KCNK4: variants seen among roughly 807,000 people sequenced by gnomAD.
KCNK4 encodes potassium channel subfamily K member 4.
KCNK4 carries 22 observed loss-of-function variants against 28.8 expected under a neutral mutation model. That is an observed-to-expected ratio of 0.76 (90% CI 0.55 to 1.09). The LOEUF is 1.09. Ranked by LOEUF, KCNK4 falls within the 50% of genes least tolerant of loss-of-function variation. The pLI is 0.00. For synonymous variants in KCNK4, 263 were observed against 252.9 expected (o/e 1.04, Z -0.38); for missense variants, 483 against 546.3 (o/e 0.88, Z 1.15).
In KCNK4 at chr11:64,297,622, T is replaced by C; in HGVS notation, c.630T>C (p.Leu210=). The change falls in exon 5 of 7, where the codon CTT becomes CTC. Residue 210 remains leucine, a synonymous_variant. Transcript: ENST00000422670. ...LEAIYFVIVT[L]TTVGFGDYVA... is the part of the protein sequence containing the mutation. ...CCATCTACTTTGTCATAGTGACGCT[T>C]ACCACCGTGGGCTTTGGCGACTATG... is the stretch of plus-strand genomic sequence containing the variant. 4 of 1,613,194 alleles carry C rather than the reference T, an allele frequency of 2.5e-6. No individual in the cohort carries two copies. The highest frequency in any genetic ancestry group is 3.4e-6 in the Non-Finnish European group (4 of 1,179,234).
At chr11:64,296,780 G>A in intron 2 of KCNK4, 98 bp from the exon 3 acceptor site, 1 of 1,291,512 alleles carries the variant, frequency 7.7e-7, no homozygotes, top group Non-Finnish European at 1.0e-6. Flanking sequence ...GAACAGGGAG[G>A]AGCAGGGAAG....
chr11:64,299,287 G>A lies in KCNK4; in HGVS notation c.802-59G>A, dbSNP rs934896331. ...CCTGCTGGTGAAGGGGCAGGTTCCC[G>A]GGGGGTCGCGGAGGGGGTCTAGACC... is the stretch of plus-strand genomic sequence containing the variant. On this transcript the variant is annotated intron_variant, in intron 6 of 6. Coordinates refer to ENST00000422670, the MANE Select transcript of KCNK4 (RefSeq NM_033310.3). 29 of 1,393,040 alleles carry A rather than the reference G, an allele frequency of 2.1e-5. No homozygotes were observed. The Admixed American group carries it at 5.0e-4, about 24-fold the overall frequency. The allele number at this position is 1,393,040 out of a possible 1,614,324, so 86.3% of individuals were successfully genotyped here.
At chr11:64,297,341 C>T in intron 4 of KCNK4, 62 bp downstream of exon 4, 1 of 1,579,268 alleles carries the variant, frequency 6.3e-7, no homozygotes, top group South Asian at 1.2e-5. Flanking sequence ...CCCCATGTCC[C>T]TGGCACATGA....
In KCNK4 at chr11:64,298,147, G is replaced by A. The variant is rs140100521; in HGVS notation, c.699G>A (p.Pro233=). 31 of 1,613,740 alleles carry A rather than the reference G, an allele frequency of 1.9e-5. No individual in the cohort carries two copies. Among genetic ancestry groups the A allele is most frequent in the Admixed American group, 5.0e-5 (3 of 59,998 alleles). The part of the protein sequence containing the change: ...DPRQDSPAYQ[P]LVWFWILLGL... The stretch of plus-strand genomic sequence containing the variant: ...GGCAGGACTCCCCGGCCTATCAGCC[G>A]CTGGTGTGGTTCTGGATCCTGCTCG... Residue 233 remains proline, a synonymous_variant, in exon 6 of 7, where the codon CCG becomes CCA. Transcript: ENST00000422670.
Position 64,299,482 on chromosome 11 carries a change from C to T in KCNK4, c.938C>T (p.Pro313Leu), listed in dbSNP as rs761408425. 65 of 1,607,258 alleles carry T rather than the reference C, an allele frequency of 4.0e-5. No homozygotes were observed. The highest frequency in any genetic ancestry group is 4.0e-4 in the East Asian group (18 of 44,550). ...CCTCCACCGCCCTGTCCAGCGCAGC[C>T]GCTGGGCAGGCCCCGATCCCCTTCG... ...LLPPPPCPAQ[P>L]LGRPRSPSPP... The change falls in exon 7 of 7, where the codon CCG becomes CTG. Residue 313 changes from proline to leucine, a missense_variant. Pro to Leu is a moderately conservative substitution (Grantham distance 98). Transcript: ENST00000422670.
Position 64,299,511 on chromosome 11 carries a change from C to G in KCNK4, c.967C>G (p.Pro323Ala). ...GGGCAGGCCCCGATCCCCTTCGCCC[C>G]CCGAGAAGGCTCAGCCGCCTTCCCC... is the stretch of plus-strand genomic sequence containing the variant. Reference protein sequence around the residue: ...PLGRPRSPSPPEKAQPPSPPT... With the variant: ...PLGRPRSPSPAEKAQPPSPPT... Residue 323 changes from proline (P) to alanine (A), a missense_variant, in exon 7 of 7, where the codon CCC becomes GCC. Coordinates refer to ENST00000422670, the MANE Select transcript of KCNK4 (RefSeq NM_033310.3). The G allele has an allele frequency of 1.2e-6, 2 of 1,609,262 alleles. No individual in the cohort carries two copies. The highest frequency in any genetic ancestry group is 2.2e-5 in the South Asian group (2 of 90,820).
intron 1 of KCNK4, chr11:64,292,124 T>C: frequency 2.0e-6 from 2 of 1,008,254 alleles, no homozygotes; most frequent in Non-Finnish European, 2.4e-6. Context: ...GTGGGGTGCG[T>C]GCGTGCAGCG....
intron 2 of KCNK4, among the ~76,000 whole-genome samples, chr11:64,294,832 C>T: frequency 6.8e-6 from 1 of 146,290 alleles, no homozygotes; most frequent in Non-Finnish European, 1.5e-5. Context: ...CTGACACTTA[C>T]AGAATGCCAG....
intron 2 of KCNK4, among the ~76,000 whole-genome samples, chr11:64,295,500 G>A (rs1035419608): frequency 6.6e-5 from 10 of 152,100 alleles, no homozygotes; most frequent in Non-Finnish European, 1.3e-4. Flanking sequence ...GGATGACAAA[G>A]GATTTTTCCC....
chr11:64,297,150 CG>C lies in KCNK4; in HGVS notation c.348del (p.Arg117AlafsTer42), dbSNP rs1418721697. 8.1e-6 allele frequency: 13 copies of C among 1,614,020 alleles called. No homozygotes were observed. Among genetic ancestry groups the C allele is most frequent in the Non-Finnish European group, 1.0e-5 (12 of 1,180,030 alleles). The stretch of plus-strand genomic sequence containing the variant: ...GCAATGTGGCCCTGCGCACAGATGC[CG>C]GGCGCCTCTTCTGCATCTTTTATGC... Reference protein sequence around the residue: ...YGNVALRTDAGRLFCIFYALV... With the variant: ...YGNVALRTDAXRLFCIFYALV... On this transcript the variant is annotated frameshift_variant, in exon 4 of 7. Transcript: ENST00000422670. LOFTEE classifies it high-confidence loss of function.
At chr11:64,292,036 G>C in intron 1 of KCNK4, 1 of 1,156,002 alleles carries the variant, frequency 8.7e-7, no homozygotes, top group Non-Finnish European at 1.1e-6. Context: ...ACACACGTGT[G>C]CGTGGGCTCT....
Position 64,293,091 on chromosome 11 carries a change from C to A in KCNK4, c.73C>A (p.Arg25=). 6.5e-7 allele frequency: 1 copy of A among 1,548,668 alleles called. No homozygotes were observed. The highest frequency in any genetic ancestry group is 2.5e-5 in the East Asian group (1 of 40,756). The change falls in exon 2 of 7, where the codon CGG becomes AGG. Residue 25 remains arginine (R), a synonymous_variant. Coordinates refer to ENST00000422670, the MANE Select transcript of KCNK4 (RefSeq NM_033310.3). The stretch of plus-strand genomic sequence containing the variant: ...CTTGGTGTCTGGTGCCCTGGTGTTC[C>A]GGGCCCTGGAGCAGCCCCACGAGCA... ...LYLVSGALVF[R]ALEQPHEQQA...
At position 64,299,385 on chromosome 11, in the gene KCNK4, A is replaced by T. The variant is rs2034863076; in HGVS notation, c.841A>T (p.Thr281Ser). 6.3e-7 allele frequency: 1 copy of T among 1,577,264 alleles called. No individual in the cohort carries two copies. The highest frequency in any genetic ancestry group is 8.6e-7 in the Non-Finnish European group (1 of 1,164,316). The change falls in exon 7 of 7, where the codon ACG becomes TCG. Residue 281 changes from threonine to serine, a missense_variant. Thr to Ser is a moderately conservative substitution (Grantham distance 58). Transcript: ENST00000422670. ...GGCTCAGGCTGCCAGCTGGACTGGC[A>T]CGGTGACAGCGCGCGTGACCCAGCG... ...LTAQAASWTG[T>S]VTARVTQRAG...
chr11:64,296,766 G>A (rs2034773520), intron 2 of KCNK4, 112 bp from the exon 3 acceptor site: 1 of 1,150,876 alleles, frequency 8.7e-7, no homozygotes, highest in African/African-American at 1.6e-5. Flanking sequence ...CAAAGGGAAG[G>A]GGAGAACAGG....
At chr11:64,294,603 C>T (rs568620231) in intron 2 of KCNK4, among the ~76,000 whole-genome samples, 1 of 150,678 alleles carries the variant, frequency 6.6e-6, no homozygotes, top group African/African-American at 2.4e-5. Context: ...TTTCTGATTT[C>T]GGAGTCACTG....
chr11:64,297,036 G>A (rs377318713), intron 3 of KCNK4, 35 bp downstream of exon 3: 30 of 1,583,642 alleles, frequency 1.9e-5, no homozygotes, highest in Admixed American at 7.2e-5. Flanking sequence ...GGGGCGGCAA[G>A]GAGCTTCCTC....
At position 64,298,089 on chromosome 11, in the gene KCNK4, C is replaced by T. The variant is rs753338012; in HGVS notation, c.662-21C>T. ...TTGCCCCACAATCCAATTCTTTCTACCTTCCCTGGTGGTATCCCAGGCGCG... is the reference window on the plus strand; with the variant it reads ...TTGCCCCACAATCCAATTCTTTCTATCTTCCCTGGTGGTATCCCAGGCGCG... On this transcript the variant is annotated intron_variant, in intron 5 of 6. Coordinates refer to ENST00000422670, the MANE Select transcript of KCNK4 (RefSeq NM_033310.3). 43 of 1,610,838 alleles carry T rather than the reference C, an allele frequency of 2.7e-5. 1 individual carries two copies. In the South Asian group the frequency reaches 4.1e-4, roughly 15 times the overall value.
Position 64,292,928 on chromosome 11 carries a change from G to A in KCNK4, c.-77-14G>A. ...CCAGCTCAGTGACCCCAGCATCCCT[G>A]GTTTTGCCCGCAGTGACGACAGCTC... is the stretch of plus-strand genomic sequence containing the variant. On this transcript the variant is annotated splice_polypyrimidine_tract_variant and intron_variant, in intron 1 of 6. Transcript: ENST00000422670. The A allele has an allele frequency of 6.9e-7, 1 of 1,453,298 alleles. No homozygotes were observed. Among genetic ancestry groups the A allele is most frequent in the African/African-American group, 1.4e-5 (1 of 70,094 alleles). 90.0% of individuals were successfully genotyped at this position (1,453,298 alleles called of 1,614,324 possible). A position where few individuals can be genotyped will look rare whatever the true frequency, so the allele number is the denominator to read the frequency against.
rs760674328 is a variant in KCNK4, at chr11:64,299,586, G to A, written c.1042G>A (p.Asp348Asn). The change falls in exon 7 of 7, where the codon GAC becomes AAC. Residue 348 changes from aspartate to asparagine, a missense_variant. Physicochemically the swap from Asp to Asn is conservative, Grantham distance 23. Coordinates refer to ENST00000422670, the MANE Select transcript of KCNK4 (RefSeq NM_033310.3). ...DYPSENLAFI[D>N]ESSDTQSERG... Reference sequence around the variant, plus strand: ...TCCCAGCGAGAACCTGGCCTTCATCGACGAGTCCTCGGATACGCAGAGCGA... The same window carrying A: ...TCCCAGCGAGAACCTGGCCTTCATCAACGAGTCCTCGGATACGCAGAGCGA... The A allele has an allele frequency of 1.1e-5, 17 of 1,610,094 alleles. No homozygotes were observed. The highest frequency in any genetic ancestry group is 1.4e-5 in the Non-Finnish European group (17 of 1,178,968).
Sources: allele counts gnomAD v4.1 joint callset (sites outside exome capture counted in the v4.1 genomes callset), GRCh38; gene constraint gnomAD v4.1.1; transcripts MANE v1.5; gene names NCBI Gene and HGNC (gene_info 2026-07-23, HGNC 2026-07-21).